Variants in EFHC1 observed in about 807,000 individuals in gnomAD.
The protein encoded by EFHC1 is EF-hand domain containing 1.
In EFHC1, 53 loss-of-function variants were observed where a neutral mutation model predicts 69.9. The observed-to-expected ratio is 0.76, with a 90% CI of 0.61 to 0.95. EFHC1 has a LOEUF of 0.95. Ranked by LOEUF, EFHC1 falls within the 40% of genes least tolerant of loss-of-function variation. The pLI, the probability that EFHC1 is intolerant of heterozygous loss-of-function variation, is 0.00. For synonymous variants in EFHC1, 256 were observed against 278.4 expected, an observed-to-expected ratio of 0.92 and a Z score of 0.80; for missense variants, 739 against 798.7, an observed-to-expected ratio of 0.93 and a Z score of 0.90.
intron 9 of EFHC1, chr6:52,484,592 C>T (rs1336080273): frequency 6.6e-6 from 1 of 152,144 alleles, no homozygotes; most frequent in Non-Finnish European, 1.5e-5. Flanking sequence ...CTCCATTGTG[C>T]ACTTATGGGA....
rs181017377 is a variant in EFHC1 at position 52,425,267 on chromosome 6, C to A, written c.285+1100C>A. On this transcript the variant is annotated intron_variant, in intron 2 of 10. Transcript: ENST00000371068. ...ATGTATCTTTTCCTTTTGCTTGTTT[C>A]TTTTGTTTATTTGTGGCTTTGACAG... Among the ~76,000 whole-genome samples the A allele has an allele frequency of 8.7e-4, 132 of 152,234 alleles. 1 individual carries two copies. Among genetic ancestry groups the A allele is most frequent in the African/African-American group, 3.1e-3 (130 of 41,560 alleles).
rs373302019 is a variant in EFHC1 at position 52,467,548 on chromosome 6, A to G, written c.1138-1785A>G. On this transcript the variant is annotated intron_variant, in intron 6 of 10. Coordinates refer to ENST00000371068, the MANE Select transcript of EFHC1 (RefSeq NM_018100.4). ...ACCTCTGTTCCCCATCCTTATTACT[A>G]TCATCTTTTTTTTCTCCTAACCTAT... 1.7e-4 allele frequency among the ~76,000 whole-genome samples: 26 copies of G among 152,162 alleles called. No homozygotes were observed. The South Asian group carries it at 5.0e-3, about 29-fold the overall frequency.
intron 5 of EFHC1, among the ~76,000 whole-genome samples, chr6:52,457,868 A>G (rs1249286428): frequency 6.6e-6 from 1 of 152,188 alleles, no homozygotes; most frequent in Non-Finnish European, 1.5e-5. Flanking sequence ...CTTTCTGTGC[A>G]TCTTTGTTGG....
intron 5 of EFHC1, among the ~76,000 whole-genome samples, chr6:52,455,099 A>C (rs1562453649): frequency 2.0e-5 from 3 of 152,120 alleles, no homozygotes; most frequent in Non-Finnish European, 4.4e-5. Flanking sequence ...CCAGAAAAAG[A>C]AAAAAAGTTA....
chr6:52,433,479 G>C (rs1441657604), intron 2 of EFHC1, among the ~76,000 whole-genome samples: 1 of 152,168 alleles, frequency 6.6e-6, no homozygotes, highest in Non-Finnish European at 1.5e-5. Flanking sequence ...AGTCTGCCAG[G>C]CTCCAGGCTG....
intron 2 of EFHC1, among the ~76,000 whole-genome samples, chr6:52,429,593 TGG>T (rs1368637935): frequency 6.6e-6 from 1 of 152,198 alleles, no homozygotes; most frequent in East Asian, 1.9e-4. Context: ...TTGGTAACTA[TGG>T]TCTTATAGTA....
intron 3 of EFHC1, among the ~76,000 whole-genome samples, chr6:52,444,377 G>T (rs1333485386): frequency 1.1e-4 from 17 of 152,306 alleles, no homozygotes; most frequent in Non-Finnish European, 1.6e-4. Flanking sequence ...AGTTTTCAAA[G>T]GGAATGCTTC....
chr6:52,471,308 G>A (rs906939970), intron 7 of EFHC1, among the ~76,000 whole-genome samples: 1 of 152,178 alleles, frequency 6.6e-6, no homozygotes, highest in East Asian at 1.9e-4. Flanking sequence ...GTCCCTGATT[G>A]TCTCAGTTTT....
chr6:52,437,945 G>A (rs1169214103), intron 2 of EFHC1, among the ~76,000 whole-genome samples: 1 of 152,150 alleles, frequency 6.6e-6, no homozygotes, highest in Non-Finnish European at 1.5e-5. Flanking sequence ...CTTGTAATGG[G>A]AGAGCAGCTG....
In EFHC1 at chr6:52,465,927, A is replaced by G. The variant is rs549601284; in HGVS notation, c.1137+812A>G. On this transcript the variant is annotated intron_variant, in intron 6 of 10. Transcript: ENST00000371068. The stretch of plus-strand genomic sequence containing the variant: ...TTGGATATATATGATAGGACACATC[A>G]TAATATGGTTTATATTATGACATAT... 3.3e-5 allele frequency among the ~76,000 whole-genome samples: 5 copies of G among 149,936 alleles called. No individual in the cohort carries two copies. The South Asian group carries it at 1.0e-3, about 31-fold the overall frequency.
intron 4 of EFHC1, chr6:52,453,730 A>G (rs1244432536): frequency 7.2e-6 from 9 of 1,244,608 alleles, no homozygotes; most frequent in African/African-American, 1.6e-5. Context: ...CACTAATTAT[A>G]TATAAACCAT....
chr6:52,495,432 G>T lies in EFHC1; in HGVS notation c.*3091G>T. 1 of 454,082 alleles carries T rather than the reference G, an allele frequency of 2.2e-6. No individual in the cohort carries two copies. The highest frequency in any genetic ancestry group is 4.4e-6 in the Non-Finnish European group (1 of 226,788). 28.1% of individuals were successfully genotyped at this position (454,082 alleles called of 1,614,324 possible). A position where few individuals can be genotyped will look rare whatever the true frequency, so the allele number is the denominator to read the frequency against. Reference sequence around the variant, plus strand: ...GCCTCCTGTGGTAGAGGAGCTTTGGGCTACTCCTTAACAAATCATTCATGG... The same window carrying T: ...GCCTCCTGTGGTAGAGGAGCTTTGGTCTACTCCTTAACAAATCATTCATGG... On this transcript the variant is annotated 3_prime_UTR_variant, in exon 11 of 11. Coordinates refer to ENST00000371068, the MANE Select transcript of EFHC1 (RefSeq NM_018100.4).
chr6:52,461,657 G>A (rs1239804807), intron 5 of EFHC1, among the ~76,000 whole-genome samples: 6 of 151,922 alleles, frequency 3.9e-5, no homozygotes, highest in South Asian at 2.1e-4. Flanking sequence ...TGCTTTCCAC[G>A]GTGTTTGAAC....
intron 7 of EFHC1, 121 bp from the exon 8 acceptor site, chr6:52,478,907 GGTTTGTTTA>G: frequency 1.2e-6 from 1 of 851,946 alleles, no homozygotes; most frequent in Non-Finnish European, 1.9e-6. Context: ...CCCCATAGAT[GGTTTGTTTA>G]TATTGTAAAA....
rs1252115818 is a variant in EFHC1 at position 52,492,289 on chromosome 6, A to G, written c.1871A>G (p.His624Arg). The G allele has an allele frequency of 5.0e-6, 8 of 1,613,902 alleles. No individual in the cohort carries two copies. The highest frequency in any genetic ancestry group is 1.6e-4 in the Middle Eastern group (1 of 6,084). The change falls in exon 11 of 11, where the codon CAT (histidine) becomes CGT (arginine). Residue 624 changes from histidine to arginine, a missense_variant. His to Arg is a conservative substitution (Grantham distance 29). Transcript: ENST00000371068. ...CTGCAGTTAATCAGGATGTGCTCTC[A>G]TGGAGAAGGCAAAATTAACTACTAT... ...LVKELIRMCS[H>R]GEGKINYYNF...
intron 7 of EFHC1, among the ~76,000 whole-genome samples, chr6:52,473,949 A>G (rs1343080982): frequency 3.3e-5 from 5 of 152,216 alleles, no homozygotes. Context: ...TATATAAAGA[A>G]CACTCTGAAA....
At chr6:52,461,431 T>C (rs1765163846) in intron 5 of EFHC1, among the ~76,000 whole-genome samples, 3 of 152,238 alleles carry the variant, frequency 2.0e-5, no homozygotes, top group Admixed American at 2.0e-4. Context: ...TAGTATTCCA[T>C]GGTGTATATA....
intron 9 of EFHC1, 88 bp downstream of exon 9, chr6:52,479,875 T>C (rs1171930029): frequency 6.4e-7 from 1 of 1,561,952 alleles, no homozygotes; most frequent in African/African-American, 1.3e-5. Context: ...CATTTTAGAT[T>C]TTCTGATTTC....
rs773385237 is a variant in EFHC1 at position 52,479,704 on chromosome 6, C to T, written c.1557C>T (p.Asn519=). ...DEYVLKYMES[N]AAQYSPEALA... Reference sequence around the variant, plus strand: ...ATGTTTTGAAATACATGGAGAGCAACGCTGCCCAGTATTCACCAGAAGCAC... The same window carrying T: ...ATGTTTTGAAATACATGGAGAGCAATGCTGCCCAGTATTCACCAGAAGCAC... Residue 519 remains asparagine, a synonymous_variant, in exon 9 of 11, where the codon AAC becomes AAT. Coordinates refer to ENST00000371068, the MANE Select transcript of EFHC1 (RefSeq NM_018100.4). 102 of 1,614,208 alleles carry T rather than the reference C, an allele frequency of 6.3e-5. 1 individual carries two copies. In the Middle Eastern group the frequency reaches 5.8e-3, roughly 91 times the overall value.
Sources: gnomAD v4.1 joint callset for allele counts (sites outside exome capture counted in the v4.1 genomes callset) on GRCh38, gnomAD v4.1.1 for gene constraint, MANE v1.5 for transcripts, NCBI Gene and HGNC (gene_info 2026-07-23, HGNC 2026-07-21) for gene names.